PPP2R2B: variants seen among roughly 807,000 people sequenced by gnomAD.
PPP2R2B encodes the protein serine/threonine-protein phosphatase 2A 55 kDa regulatory subunit B beta isoform.
A neutral mutation model predicts 46.0 loss-of-function variants in PPP2R2B; 5 were observed. The ratio of observed to expected loss-of-function variants is 0.11; its 90% confidence interval spans 0.06 to 0.23. PPP2R2B has a LOEUF of 0.23. Among genes scored for constraint, PPP2R2B ranks in the 10% least tolerant of loss-of-function variants. The pLI, the probability that PPP2R2B is intolerant of heterozygous loss-of-function variation, is 1.00. For missense variants in PPP2R2B, 367 were observed against 575.0 expected (o/e 0.64, Z 3.70); for synonymous variants, 215 against 206.7 (o/e 1.04, Z -0.34).
rs182642031 is a variant in PPP2R2B, at chr5:146,866,648, A to G, written c.70+11354T>C. On this transcript the variant is annotated intron_variant, in intron 2 of 9. Transcript: ENST00000394411. Reference sequence around the variant, plus strand: ...TACATACATATATATACACACACATATATATGCACACAGAGGCATCTATAT... The same window carrying G: ...TACATACATATATATACACACACATGTATATGCACACAGAGGCATCTATAT... Among the ~76,000 whole-genome samples the G allele has an allele frequency of 2.0e-5, 3 of 146,874 alleles. No homozygotes were observed. In the East Asian group the frequency reaches 5.8e-4, roughly 28 times the overall value.
intron 2 of PPP2R2B, among the ~76,000 whole-genome samples, chr5:146,799,368 G>T (rs1357686170): frequency 6.6e-6 from 1 of 152,202 alleles, no homozygotes; most frequent in Admixed American, 6.5e-5. Context: ...AAATGCCAGT[G>T]CTGTAAGAGT....
At chr5:146,621,075 G>T (rs574799910) in intron 7 of PPP2R2B, among the ~76,000 whole-genome samples, 1 of 152,344 alleles carries the variant, frequency 6.6e-6, no homozygotes, top group East Asian at 1.9e-4. Flanking sequence ...AGCTGAGTAC[G>T]ACAGCCCATC....
chr5:146,852,504 G>A (rs1760407692), intron 2 of PPP2R2B, among the ~76,000 whole-genome samples: 1 of 152,128 alleles, frequency 6.6e-6, no homozygotes, highest in Admixed American at 6.6e-5. Context: ...CAGGCCACGA[G>A]CAGGACTTAA....
At chr5:146,657,817 T>C (rs1056010138) in intron 5 of PPP2R2B, among the ~76,000 whole-genome samples, 3 of 152,180 alleles carry the variant, frequency 2.0e-5, no homozygotes, top group Non-Finnish European at 4.4e-5. Context: ...CCACACTTGC[T>C]CCATATCTCC....
At chr5:147,006,788 A>G (rs1754458806) in intron 1 of PPP2R2B, among the ~76,000 whole-genome samples, 1 of 152,078 alleles carries the variant, frequency 6.6e-6, no homozygotes, top group Non-Finnish European at 1.5e-5. Context: ...TGTTGTTTTT[A>G]CACAACCAAA....
chr5:146,640,397 C>A (rs1775122030), intron 6 of PPP2R2B, among the ~76,000 whole-genome samples: 1 of 152,372 alleles, frequency 6.6e-6, no homozygotes, highest in African/African-American at 2.4e-5. Context: ...GTTAGCATCA[C>A]ATGCTGTGGA....
intron 2 of PPP2R2B, among the ~76,000 whole-genome samples, chr5:146,863,879 C>T (rs1287243679): frequency 6.6e-6 from 1 of 152,162 alleles, no homozygotes; most frequent in Non-Finnish European, 1.5e-5. Context: ...CTGTAACCCC[C>T]AAAGACTGCT....
At chr5:146,861,393 G>A (rs1760991665) in intron 2 of PPP2R2B, among the ~76,000 whole-genome samples, 2 of 151,792 alleles carry the variant, frequency 1.3e-5, no homozygotes, top group Non-Finnish European at 2.9e-5. Context: ...GGGTTTCACC[G>A]TGTTAACCAG....
rs896107463 is a variant in PPP2R2B at position 146,706,294 on chromosome 5, G to A, written c.71-5152C>T. On this transcript the variant is annotated intron_variant, in intron 2 of 9. Coordinates refer to ENST00000394411, the MANE Select transcript of PPP2R2B (RefSeq NM_181675.4). Reference sequence around the variant, plus strand: ...CCATGGCCCTGGTGGAGCTGGTGCGGCTGAAGGAGCTGGAACCTGCGCCAG... The same window carrying A: ...CCATGGCCCTGGTGGAGCTGGTGCGACTGAAGGAGCTGGAACCTGCGCCAG... 9 of 525,534 alleles carry A rather than the reference G, an allele frequency of 1.7e-5. No individual in the cohort carries two copies. In the African/African-American group the frequency reaches 1.7e-4, roughly 10 times the overall value. 32.6% of individuals were successfully genotyped at this position (525,534 alleles called of 1,614,324 possible).
intron 1 of PPP2R2B, among the ~76,000 whole-genome samples, chr5:147,038,984 C>A (rs1338730300): frequency 6.6e-6 from 1 of 152,110 alleles, no homozygotes; most frequent in Non-Finnish European, 1.5e-5. Context: ...AACTGCAACC[C>A]CCACCATGAA....
chr5:146,810,405 G>T (rs1359322197), intron 2 of PPP2R2B, among the ~76,000 whole-genome samples: 2 of 152,136 alleles, frequency 1.3e-5, no homozygotes. Flanking sequence ...CATGAAAACA[G>T]TATGGAGAAA....
intron 1 of PPP2R2B, among the ~76,000 whole-genome samples, chr5:146,969,768 A>T (rs1752585958): frequency 1.3e-5 from 2 of 152,240 alleles, no homozygotes; most frequent in South Asian, 4.1e-4. Context: ...TGATACTCAG[A>T]TTTCTGACAA....
chr5:146,650,885 T>C (rs1775907464), intron 5 of PPP2R2B, among the ~76,000 whole-genome samples, 161 bp from the exon 6 acceptor site: 1 of 152,232 alleles, frequency 6.6e-6, no homozygotes, highest in African/African-American at 2.4e-5. Flanking sequence ...CACACTGTTC[T>C]TGTTCCATTC....
In PPP2R2B at chr5:146,581,567, G is replaced by C. The variant is rs1015664713; in HGVS notation, c.*8380C>G. ...TTTTCAAAAATAATATGAAAAATAA[G>C]AACTGTTGTCCTTCTTCTCGTCAGG... On this transcript the variant is annotated 3_prime_UTR_variant, in exon 10 of 10. Transcript: ENST00000394411. 6.6e-6 allele frequency: 1 copy of C among 152,116 alleles called. No homozygotes were observed. Among genetic ancestry groups the C allele is most frequent in the African/African-American group, 2.4e-5 (1 of 41,402 alleles). 9.4% of individuals were successfully genotyped at this position (152,116 alleles called of 1,614,324 possible). A position where few individuals can be genotyped will look rare whatever the true frequency, so the allele number is the denominator to read the frequency against.
chr5:146,704,334 G>A (rs1385464904), intron 2 of PPP2R2B, among the ~76,000 whole-genome samples: 1 of 152,186 alleles, frequency 6.6e-6, no homozygotes, highest in African/African-American at 2.4e-5. Flanking sequence ...TAGTAATAAG[G>A]TAGCAAGTTT....
At chr5:146,635,395 T>C (rs1376049852) in intron 7 of PPP2R2B, among the ~76,000 whole-genome samples, 1 of 152,156 alleles carries the variant, frequency 6.6e-6, no homozygotes, top group Non-Finnish European at 1.5e-5. Context: ...CTAGTACCAA[T>C]TAGTTATTTA....
At chr5:146,638,113 A>G (rs1774942684) in intron 7 of PPP2R2B, 138 bp downstream of exon 7, 6 of 728,932 alleles carry the variant, frequency 8.2e-6, no homozygotes, top group Non-Finnish European at 1.2e-5. Context: ...AATATAAAAT[A>G]CGGAGCTGAC....
At chr5:147,008,636 A>G (rs1214492636) in intron 1 of PPP2R2B, among the ~76,000 whole-genome samples, 1 of 152,160 alleles carries the variant, frequency 6.6e-6, no homozygotes, top group Non-Finnish European at 1.5e-5. Context: ...ATCTAGCTCA[A>G]GAGTCACCTC....
At chr5:146,677,684 T>A (rs1414368791) in intron 5 of PPP2R2B, among the ~76,000 whole-genome samples, 1 of 151,950 alleles carries the variant, frequency 6.6e-6, no homozygotes, top group Non-Finnish European at 1.5e-5. Flanking sequence ...TGCACCACCA[T>A]GCCTGGCTAA....
Sources: gnomAD v4.1 joint callset for allele counts (sites outside exome capture counted in the v4.1 genomes callset) on GRCh38, gnomAD v4.1.1 for gene constraint, MANE v1.5 for transcripts, NCBI Gene and HGNC (gene_info 2026-07-23, HGNC 2026-07-21) for gene names.